The following BRINP1 variants were observed in gnomAD, a reference collection of about 807,000 sequenced individuals.
The protein encoded by BRINP1 is BMP/retinoic acid inducible neural specific 1.
A neutral mutation model predicts 72.9 loss-of-function variants in BRINP1; 17 were observed. The observed-to-expected ratio is 0.23, with a 90% confidence interval of 0.16 to 0.35. The LOEUF (loss-of-function observed/expected upper bound fraction) is 0.35, where lower values mean the gene tolerates loss of function less well. Among genes scored for constraint, BRINP1 ranks in the 10% least tolerant of loss-of-function variants. BRINP1 has a pLI of 1.00. For synonymous variants in BRINP1, 418 were observed against 378.5 expected (o/e 1.10, Z -1.21); for missense variants, 850 against 1,001.6 (o/e 0.85, Z 2.04).
chr9:119,367,193 A>ACG (rs1564259700), intron 1 of BRINP1, among the ~76,000 whole-genome samples: 1 of 111,554 alleles, frequency 9.0e-6, no homozygotes, highest in Non-Finnish European at 1.8e-5. Flanking sequence ...ATATGAACAC[A>ACG]TGTGTGTGTG....
At chr9:119,305,167 A>C (rs1295512198) in intron 2 of BRINP1, among the ~76,000 whole-genome samples, 1 of 152,244 alleles carries the variant, frequency 6.6e-6, no homozygotes, top group African/African-American at 2.4e-5. Flanking sequence ...TTGATATTTA[A>C]GAAGCATCAC....
At chr9:119,350,920 T>C (rs1831501755) in intron 1 of BRINP1, among the ~76,000 whole-genome samples, 1 of 150,914 alleles carries the variant, frequency 6.6e-6, no homozygotes, top group South Asian at 2.1e-4. Context: ...TTTTTTTTAC[T>C]TCAAGTTCTG....
At chr9:119,189,566 G>A (rs1363844278) in intron 7 of BRINP1, among the ~76,000 whole-genome samples, 1 of 152,070 alleles carries the variant, frequency 6.6e-6, no homozygotes, top group Non-Finnish European at 1.5e-5. Flanking sequence ...TATTTCAAGA[G>A]AGAAAGACGG....
chr9:119,313,191 T>C lies in BRINP1; in HGVS notation c.165A>G (p.Leu55=), dbSNP rs142717295. Residue 55 remains leucine, a synonymous_variant, in exon 2 of 8, where the codon CTA becomes CTG. Transcript: ENST00000265922. The stretch of plus-strand genomic sequence containing the variant: ...CTTGACGGTGTCTTTCCACAAAGGA[T>C]AGGTAGCTCCTGGAGTGGTGGAAAG... ...RGPFHHSRSY[L]SFVERHRQGF... The C allele has an allele frequency of 2.5e-6, 4 of 1,614,170 alleles. No homozygotes were observed. In the African/African-American group the frequency reaches 5.3e-5, roughly 22 times the overall value.
intron 1 of BRINP1, among the ~76,000 whole-genome samples, chr9:119,315,957 T>C (rs1831120074): frequency 1.3e-5 from 2 of 152,176 alleles, no homozygotes; most frequent in African/African-American, 4.8e-5. Context: ...TCCTGAGGTT[T>C]AAAGAAAGAA....
chr9:119,243,934 G>A (rs1029299752), intron 3 of BRINP1, among the ~76,000 whole-genome samples: 1 of 152,194 alleles, frequency 6.6e-6, no homozygotes, highest in African/African-American at 2.4e-5. Flanking sequence ...CCTGCATCCT[G>A]TAGATAATGT....
chr9:119,271,949 C>T (rs1271061717), intron 2 of BRINP1, among the ~76,000 whole-genome samples: 4 of 151,984 alleles, frequency 2.6e-5, no homozygotes, highest in Non-Finnish European at 4.4e-5. Context: ...AATCTTCCTG[C>T]CCCAGCCTCC....
intron 1 of BRINP1, among the ~76,000 whole-genome samples, chr9:119,341,672 C>T (rs755128860): frequency 1.3e-5 from 2 of 152,092 alleles, no homozygotes; most frequent in African/African-American, 4.8e-5. Flanking sequence ...GGCTAAACTA[C>T]GATGTTTGGT....
chr9:119,242,626 C>T (rs1016046321), intron 3 of BRINP1, among the ~76,000 whole-genome samples: 2 of 152,242 alleles, frequency 1.3e-5, no homozygotes, highest in Non-Finnish European at 2.9e-5. Flanking sequence ...TCCTTTTCCT[C>T]TACTCTCCCA....
Position 119,167,798 on chromosome 9 carries a change from C to A in BRINP1, c.1572G>T (p.Met524Ile). Residue 524 changes from methionine to isoleucine, a missense_variant, in exon 8 of 8, where the codon ATG becomes ATT. Met to Ile is a conservative substitution (Grantham distance 10). Transcript: ENST00000265922. This position sits in a 1 kb window ranked among gnomAD's most constrained non-coding sequence, Gnocchi z 4.3. ...TFFDPRWRKR[M>I]SLTLKSNKNR... ...TCTTGTTGCTCTTGAGAGTGAGGGA[C>A]ATGCGCTTGCGCCACCGAGGGTCAA... The A allele has an allele frequency of 6.2e-7, 1 of 1,613,982 alleles. No homozygotes were observed. Among genetic ancestry groups the A allele is most frequent in the Non-Finnish European group, 8.5e-7 (1 of 1,180,012 alleles).
intron 7 of BRINP1, among the ~76,000 whole-genome samples, chr9:119,204,981 C>T (rs748433010): frequency 5.3e-5 from 8 of 152,204 alleles, no homozygotes; most frequent in Non-Finnish European, 8.8e-5. Flanking sequence ...TCAGCACACT[C>T]ATCTTCCACA....
intron 2 of BRINP1, among the ~76,000 whole-genome samples, chr9:119,250,668 A>C (rs111434835): frequency 5.9e-5 from 9 of 152,304 alleles, no homozygotes; most frequent in African/African-American, 1.7e-4. Flanking sequence ...GTAAACTTGG[A>C]GCATACAAAC....
At chr9:119,367,220 TGATATA>T in intron 1 of BRINP1, among the ~76,000 whole-genome samples, 1 of 44,808 alleles carries the variant, frequency 2.2e-5, no homozygotes, top group Admixed American at 2.5e-4. Flanking sequence ...TGTGTGTGAT[TGATATA>T]TATATATATA....
chr9:119,315,486 T>C (rs1831115800), intron 1 of BRINP1, among the ~76,000 whole-genome samples: 1 of 152,140 alleles, frequency 6.6e-6, no homozygotes, highest in South Asian at 2.1e-4. Context: ...TGACTAGCTA[T>C]TCCCTTTCTC....
At chr9:119,220,000 A>G (rs1308140099) in intron 5 of BRINP1, among the ~76,000 whole-genome samples, 1 of 152,128 alleles carries the variant, frequency 6.6e-6, no homozygotes, top group Non-Finnish European at 1.5e-5. Context: ...TTTCTGACTA[A>G]GGTTCGTCTT....
At chr9:119,278,716 T>C (rs1830679856) in intron 2 of BRINP1, among the ~76,000 whole-genome samples, 1 of 152,042 alleles carries the variant, frequency 6.6e-6, no homozygotes. Context: ...GGTGAAACCC[T>C]ATCTCTACTA....
At chr9:119,329,197 TA>T (rs1251667131) in intron 1 of BRINP1, among the ~76,000 whole-genome samples, 3 of 152,186 alleles carry the variant, frequency 2.0e-5, no homozygotes, top group African/African-American at 7.2e-5. Flanking sequence ...AGCAAATAGA[TA>T]AAACACTTAA....
chr9:119,318,987 C>A (rs1300559033), intron 1 of BRINP1, among the ~76,000 whole-genome samples: 3 of 151,876 alleles, frequency 2.0e-5, no homozygotes, highest in East Asian at 1.9e-4. Flanking sequence ...CAGGGAACAT[C>A]TTTGATCCTC....
chr9:119,354,468 C>CT (rs1379911092), intron 1 of BRINP1, among the ~76,000 whole-genome samples: 1 of 152,114 alleles, frequency 6.6e-6, no homozygotes, highest in African/African-American at 2.4e-5. Flanking sequence ...CCTCTCCCTG[C>CT]TTTTGTGGTG....
Sources: gnomAD v4.1 joint callset for allele counts (sites outside exome capture counted in the v4.1 genomes callset) on GRCh38, gnomAD v4.1.1 for gene constraint, Gnocchi (gnomAD v3.1) non-coding constraint, MANE v1.5 for transcripts, NCBI Gene and HGNC (gene_info 2026-07-23, HGNC 2026-07-21) for gene names.